The following PALD1 variants were observed in gnomAD, a reference collection of about 807,000 sequenced individuals.
PALD1 encodes paladin.
In PALD1, 57 loss-of-function variants were observed where a neutral mutation model predicts 96.0. That is an observed-to-expected ratio of 0.59 (90% CI 0.48 to 0.74). The LOEUF is 0.74. Among genes scored for constraint, PALD1 ranks in the 30% least tolerant of loss-of-function variants. The probability of loss-of-function intolerance (pLI) is 0.00; values close to 1 mark genes in which losing one functional copy is unlikely to be tolerated. For synonymous variants in PALD1, 464 were observed against 473.6 expected (o/e 0.98, Z 0.26); for missense variants, 1,063 against 1,143.7 (o/e 0.93, Z 1.02).
At chr10:70,463,033 C>T in the PALD1 span, among the ~76,000 whole-genome samples, 2 of 152,198 alleles carry the variant, frequency 1.3e-5, no homozygotes, top group Non-Finnish European at 2.9e-5. Context: ...TCCTCTACCC[C>T]GTGGTGAACT....
chr10:70,499,554 C>T (rs979959120), intron 1 of PALD1, among the ~76,000 whole-genome samples: 1 of 152,226 alleles, frequency 6.6e-6, no homozygotes, highest in African/African-American at 2.4e-5. Flanking sequence ...GCTACCAGGA[C>T]TTCAGGATGG....
the PALD1 span, among the ~76,000 whole-genome samples, chr10:70,459,063 A>ACCCACTGCTT: frequency 2.4e-5 from 2 of 84,070 alleles, no homozygotes; most frequent in Non-Finnish European, 4.8e-5. Context: ...CCATCCGCCC[A>ACCCACTGCTT]CCCACTGCTT....
At chr10:70,458,886 CG>C in the PALD1 span, among the ~76,000 whole-genome samples, 3 of 152,206 alleles carry the variant, frequency 2.0e-5, no homozygotes, top group South Asian at 6.2e-4. Flanking sequence ...CCACCAAACG[CG>C]GGGGGCCCCC....
At chr10:70,459,975 C>G in the PALD1 span, among the ~76,000 whole-genome samples, 14 of 152,232 alleles carry the variant, frequency 9.2e-5, no homozygotes, top group African/African-American at 3.4e-4. Flanking sequence ...TTGTGTGCCT[C>G]CTGCCTCCAC....
intron 18 of PALD1, among the ~76,000 whole-genome samples, chr10:70,547,834 G>A (rs1190680755): frequency 6.6e-6 from 1 of 152,090 alleles, no homozygotes; most frequent in Non-Finnish European, 1.5e-5. Context: ...CCAGACAGGA[G>A]TCAGGTAGTG....
At chr10:70,552,347 G>A (rs1847499245) in intron 18 of PALD1, among the ~76,000 whole-genome samples, 1 of 152,178 alleles carries the variant, frequency 6.6e-6, no homozygotes, top group Admixed American at 6.5e-5. Flanking sequence ...CGTCTTCTGG[G>A]ATGGGGGGTG....
At chr10:70,549,908 C>A (rs1300508508) in intron 18 of PALD1, among the ~76,000 whole-genome samples, 1 of 152,168 alleles carries the variant, frequency 6.6e-6, no homozygotes, top group East Asian at 1.9e-4. Flanking sequence ...CTTACCCGCT[C>A]CCACCAGGTC....
At chr10:70,551,961 T>C (rs1248241134) in intron 18 of PALD1, among the ~76,000 whole-genome samples, 1 of 152,230 alleles carries the variant, frequency 6.6e-6, no homozygotes, top group Admixed American at 6.5e-5. Context: ...CCCGTTTCCT[T>C]CTGGGCTTCG....
At chr10:70,473,363 T>C in the PALD1 span, among the ~76,000 whole-genome samples, 2 of 152,206 alleles carry the variant, frequency 1.3e-5, no homozygotes, top group Non-Finnish European at 2.9e-5. Context: ...GTCAGGCACA[T>C]AGTGGGCACT....
chr10:70,532,315 G>A (rs1209053054), intron 5 of PALD1, among the ~76,000 whole-genome samples: 1 of 152,188 alleles, frequency 6.6e-6, no homozygotes, highest in African/African-American at 2.4e-5. Context: ...CCTCCTGTGT[G>A]CTCTGCTCCC....
chr10:70,477,566 T>C (rs574105475), upstream of PALD1, among the ~76,000 whole-genome samples: 12 of 152,308 alleles, frequency 7.9e-5, no homozygotes, highest in African/African-American at 2.6e-4. Flanking sequence ...TTTGTTAAAA[T>C]AGGGATCAGA....
chr10:70,502,523 A>C (rs969872544), intron 1 of PALD1, among the ~76,000 whole-genome samples: 1 of 149,356 alleles, frequency 6.7e-6, no homozygotes, highest in African/African-American at 2.5e-5. Context: ...AGTTTTGTTG[A>C]TATTAGTGAA....
At chr10:70,546,778 C>T (rs550578345) in intron 17 of PALD1, among the ~76,000 whole-genome samples, 20 of 152,244 alleles carry the variant, frequency 1.3e-4, no homozygotes, top group South Asian at 8.3e-4. Flanking sequence ...GCCAAAACCC[C>T]GTTTCTACTA....
chr10:70,527,702 CAAG>C (rs1846897621), intron 2 of PALD1, among the ~76,000 whole-genome samples: 1 of 152,182 alleles, frequency 6.6e-6, no homozygotes, highest in African/African-American at 2.4e-5. Flanking sequence ...CACGTGGTAA[CAAG>C]GAGGCAGAGC....
chr10:70,534,016 G>A lies in PALD1; in HGVS notation c.965G>A (p.Gly322Asp), dbSNP rs1159186473. 6.2e-7 allele frequency: 1 copy of A among 1,613,106 alleles called. No homozygotes were observed. Among genetic ancestry groups the A allele is most frequent in the Non-Finnish European group, 8.5e-7 (1 of 1,179,560 alleles). ...ATGGGCGTGGGCAGGACCAACCTGG[G>A]CATGGTCCTGGGCACCCTCATCCTG... ...CQMGVGRTNL[G>D]MVLGTLILLH... The change falls in exon 8 of 20, where the codon GGC (glycine) becomes GAC (aspartate). Residue 322 changes from glycine (G) to aspartate (D), a missense_variant. Coordinates refer to ENST00000263563, the MANE Select transcript of PALD1 (RefSeq NM_014431.3).
chr10:70,563,442 C>T (rs1037462819), intron 18 of PALD1, among the ~76,000 whole-genome samples: 5 of 152,244 alleles, frequency 3.3e-5, no homozygotes, highest in South Asian at 2.1e-4. Context: ...TGTCCCTCTC[C>T]GCCCCAGCAC....
At chr10:70,555,484 G>T (rs1438672654) in intron 18 of PALD1, among the ~76,000 whole-genome samples, 1 of 137,098 alleles carries the variant, frequency 7.3e-6, no homozygotes, top group Admixed American at 7.1e-5. Context: ...ACGACCCGGG[G>T]GCAATCTTGT....
At chr10:70,497,800 C>T (rs1473896830) in intron 1 of PALD1, among the ~76,000 whole-genome samples, 2 of 152,156 alleles carry the variant, frequency 1.3e-5, no homozygotes, top group African/African-American at 2.4e-5. Flanking sequence ...TGGTCTTGAT[C>T]TCCTGACCTC....
Position 70,567,570 on chromosome 10 carries a change from C to T in PALD1, c.*837C>T, listed in dbSNP as rs1556612. 30,207 of 152,972 alleles carry T rather than the reference C, an allele frequency of 0.2. 3,629 individuals carry two copies. Among genetic ancestry groups the T allele is most frequent in the Admixed American group, 0.37 (5,656 of 15,296 alleles). The allele number at this position is 152,972 out of a possible 1,614,324, so 9.5% of individuals were successfully genotyped here. On this transcript the variant is annotated 3_prime_UTR_variant, in exon 20 of 20. Coordinates refer to ENST00000263563, the MANE Select transcript of PALD1 (RefSeq NM_014431.3). ...GGCATCTCTCTCTGTCCCGGCAGCC[C>T]AGGATGGCCTGGTGCCCCCACCTGC... is the stretch of plus-strand genomic sequence containing the variant.
Sources: gnomAD v4.1 joint callset for allele counts (sites outside exome capture counted in the v4.1 genomes callset) on GRCh38, gnomAD v4.1.1 for gene constraint, MANE v1.5 for transcripts, NCBI Gene and HGNC (gene_info 2026-07-23, HGNC 2026-07-21) for gene names.